The following PHF10 variants were observed in gnomAD, a reference collection of about 807,000 sequenced individuals.
PHF10 encodes the protein BRG1-associated factor 45a.
In PHF10, 51 loss-of-function variants were observed where a neutral mutation model predicts 68.5. The observed-to-expected ratio is 0.74, with a 90% CI of 0.59 to 0.94. The LOEUF is 0.94. Ranked by LOEUF, PHF10 falls within the 40% of genes least tolerant of loss-of-function variation. The pLI is 0.00. For missense variants in PHF10, 460 were observed against 602.6 expected (o/e 0.76, Z 2.48); for synonymous variants, 204 against 203.5 (o/e 1.00, Z -0.02).
At chr6:169,715,270 G>A (rs1789019597) in intron 6 of PHF10, among the ~76,000 whole-genome samples, 1 of 152,062 alleles carries the variant, frequency 6.6e-6, no homozygotes, top group Non-Finnish European at 1.5e-5. Flanking sequence ...TAACCGTAAA[G>A]CAAAAGACAT....
At chr6:169,709,725 T>C (rs1788884773) in intron 9 of PHF10, 2 of 152,186 alleles carry the variant, frequency 1.3e-5, no homozygotes, top group Non-Finnish European at 2.9e-5. Context: ...TTATTTTCTA[T>C]CCCAGAGTTA....
In PHF10 at chr6:169,715,838, G is replaced by A. The variant is rs1324849766; in HGVS notation, c.563C>T (p.Thr188Ile). 6 of 1,611,126 alleles carry A rather than the reference G, an allele frequency of 3.7e-6. No individual in the cohort carries two copies. In the South Asian group the frequency reaches 6.6e-5, roughly 18 times the overall value. ...KEYSQMQQQNTQKVEASKVPE... is the reference protein window; with the variant it reads ...KEYSQMQQQNIQKVEASKVPE... ...CACTTTACTGGCTTCAACTTTCTGAGTATTCTGTTGTTGCATTTGCTGGAA... is the reference window on the plus strand; with the variant it reads ...CACTTTACTGGCTTCAACTTTCTGAATATTCTGTTGTTGCATTTGCTGGAA... The change falls in exon 6 of 12, where the codon ACT becomes ATT. Residue 188 changes from threonine (T) to isoleucine (I), a missense_variant. Transcript: ENST00000339209.
chr6:169,714,827 G>C lies in PHF10; in HGVS notation c.709C>G (p.Gln237Glu), dbSNP rs776653674. The C allele has an allele frequency of 7.1e-6, 11 of 1,552,048 alleles. No homozygotes were observed. Among genetic ancestry groups the C allele is most frequent in the South Asian group, 2.2e-5 (2 of 89,804 alleles). ...GTTGGCAAAACTTTGTACTTCCCTT[G>C]AGGTACCTGGATAACCTACGTTAAC... ...DLQTHVIQVP[Q>E]GKYKVLPTER... Residue 237 changes from glutamine to glutamate, a missense_variant, in exon 7 of 12, where the codon CAA becomes GAA. Gln to Glu is a conservative substitution (Grantham distance 29, BLOSUM62 2). Coordinates refer to ENST00000339209, the MANE Select transcript of PHF10 (RefSeq NM_018288.4).
At position 169,712,386 on chromosome 6, in the gene PHF10, C is replaced by T; in HGVS notation, c.957G>A (p.Ser319=). ...TCCTACTAGAGAGAAATGTTCTCAC[C>T]GAAGTGCCTTTATTTTTCCGTTTCT... ...GDEKRKNKGT[S]DSSSGNVSEG... Residue 319 remains serine, a splice_region_variant and synonymous_variant, in exon 8 of 12, where the codon TCG becomes TCA. Coordinates refer to ENST00000339209, the MANE Select transcript of PHF10 (RefSeq NM_018288.4). The T allele has an allele frequency of 6.2e-7, 1 of 1,613,236 alleles. No homozygotes were observed. Among genetic ancestry groups the T allele is most frequent in the Non-Finnish European group, 8.5e-7 (1 of 1,179,398 alleles).
chr6:169,722,476 A>T (rs1789203337), intron 1 of PHF10, among the ~76,000 whole-genome samples: 1 of 152,220 alleles, frequency 6.6e-6, no homozygotes, highest in African/African-American at 2.4e-5. Context: ...TTTAGCTAAA[A>T]AGTTGAGACA....
intron 9 of PHF10, chr6:169,707,968 T>C (rs1788843040): frequency 6.6e-6 from 1 of 152,108 alleles, no homozygotes; most frequent in South Asian, 2.1e-4. Context: ...ATAACAACTG[T>C]GGCTTAGAGA....
At chr6:169,705,902 G>T (rs9371169) in intron 9 of PHF10, among the ~76,000 whole-genome samples, 178 bp from the exon 10 acceptor site, 2 of 152,184 alleles carry the variant, frequency 1.3e-5, no homozygotes, top group East Asian at 3.9e-4. Flanking sequence ...ACTGAAGAAA[G>T]CATTAATTTC....
At chr6:169,707,941 A>C (rs1018208312) in intron 9 of PHF10, 3 of 152,186 alleles carry the variant, frequency 2.0e-5, no homozygotes, top group Admixed American at 1.3e-4. Flanking sequence ...GCTGGCATCC[A>C]GGACTTTACA....
chr6:169,712,592 G>C, intron 7 of PHF10, 53 bp from the exon 8 acceptor site: 1 of 1,489,324 alleles, frequency 6.7e-7, no homozygotes, highest in Non-Finnish European at 9.2e-7. Context: ...AATATAAACA[G>C]ACTCATCTTT....
At chr6:169,712,637 C>A (rs1164361672) in intron 7 of PHF10, 98 bp from the exon 8 acceptor site, 3 of 1,006,288 alleles carry the variant, frequency 3.0e-6, no homozygotes, top group Non-Finnish European at 4.3e-6. Context: ...TCTTGAGTAA[C>A]CCCGAAGACT....
At chr6:169,721,205 C>A in intron 1 of PHF10, 94 bp from the exon 2 acceptor site, 1 of 689,178 alleles carries the variant, frequency 1.5e-6, no homozygotes, top group South Asian at 2.0e-5. Context: ...GACAACTAGT[C>A]ATACAAGTAT....
intron 11 of PHF10, chr6:169,704,420 T>A (rs555454701): frequency 7.6e-5 from 20 of 264,772 alleles, no homozygotes; most frequent in African/African-American, 3.6e-4. Context: ...TTGGCTTTTT[T>A]AAGACTTTTT....
chr6:169,711,207 C>A (rs1197063538), intron 8 of PHF10, among the ~76,000 whole-genome samples: 1 of 151,940 alleles, frequency 6.6e-6, no homozygotes, highest in African/African-American at 2.4e-5. Flanking sequence ...TTTTAAAATA[C>A]AAAACTGGAT....
At chr6:169,705,046 T>C (rs952998979) in intron 11 of PHF10, 87 bp downstream of exon 11, 3 of 972,164 alleles carry the variant, frequency 3.1e-6, no homozygotes, top group South Asian at 3.8e-5. Flanking sequence ...AAGCTCTTCA[T>C]GTCATGATAG....
chr6:169,719,694 C>T (rs1789132382), intron 2 of PHF10, among the ~76,000 whole-genome samples: 1 of 152,006 alleles, frequency 6.6e-6, no homozygotes, highest in African/African-American at 2.4e-5. Context: ...AATGGATCAA[C>T]AACCTAAATA....
chr6:169,705,473 T>A, intron 10 of PHF10, 143 bp downstream of exon 10: 1 of 712,560 alleles, frequency 1.4e-6, no homozygotes, highest in Non-Finnish European at 2.4e-6. Context: ...GGAAAACACA[T>A]GGGCTGTGTC....
chr6:169,705,643 T>G lies in PHF10; in HGVS notation c.1195A>C (p.Ile399Leu). 8 of 1,533,192 alleles carry G rather than the reference T, an allele frequency of 5.2e-6. No individual in the cohort carries two copies. Among genetic ancestry groups the G allele is most frequent in the Non-Finnish European group, 6.3e-6 (7 of 1,106,588 alleles). The allele number at this position is 1,533,192 out of a possible 1,614,324, so 95.0% of individuals were successfully genotyped here. Residue 399 changes from isoleucine (I) to leucine (L), a missense_variant, in exon 10 of 12, where the codon ATA becomes CTA. Ile to Leu is a conservative substitution (Grantham distance 5). This residue lies in a region of PHF10 where 256 missense variants were observed against 410.5 expected (regional missense o/e 0.62). Coordinates refer to ENST00000339209, the MANE Select transcript of PHF10 (RefSeq NM_018288.4). ...CTATTCTCACATTGGGAGCAGTGTATAAGTGATTCAGCCTTTCCTTTCTTG... is the reference window on the plus strand; with the variant it reads ...CTATTCTCACATTGGGAGCAGTGTAGAAGTGATTCAGCCTTTCCTTTCTTG... The part of the protein sequence containing the change: ...SNKKGKAESL[I>L]HCSQCENSGH...
chr6:169,723,618 C>T (rs1411861779), intron 1 of PHF10, among the ~76,000 whole-genome samples: 4 of 152,182 alleles, frequency 2.6e-5, no homozygotes, highest in African/African-American at 9.6e-5. Context: ...CTGCCAACTT[C>T]GGGGAAGCCG....
intron 7 of PHF10, 33 bp from the exon 8 acceptor site, chr6:169,712,572 T>C: frequency 6.3e-7 from 1 of 1,577,324 alleles, no homozygotes; most frequent in Non-Finnish European, 8.6e-7. Flanking sequence ...TTGGTTTCCC[T>C]TTATTATTAA....
Sources: allele counts gnomAD v4.1 joint callset (sites outside exome capture counted in the v4.1 genomes callset), GRCh38; gene constraint gnomAD v4.1.1; regional missense constraint gnomAD v4.1.1; transcripts MANE v1.5; gene names NCBI Gene and HGNC (gene_info 2026-07-23, HGNC 2026-07-21).